The following LMTK2 variants were observed in gnomAD, a reference collection of about 807,000 sequenced individuals.
The protein encoded by LMTK2 is serine/threonine-protein kinase LMTK2.
A neutral mutation model predicts 127.5 loss-of-function variants in LMTK2; 37 were observed. That is an observed-to-expected ratio of 0.29 (90% CI 0.22 to 0.38). The LOEUF is 0.38. LMTK2 is among the 10% of genes least tolerant of loss of function. The pLI is 1.00. For missense variants in LMTK2, 1,694 were observed against 1,920.3 expected, an observed-to-expected ratio of 0.88 and a Z score of 2.20; for synonymous variants, 819 against 810.1, an observed-to-expected ratio of 1.01 and a Z score of -0.19.
At chr7:98,141,361 C>T (rs777764892) in intron 2 of LMTK2, 36 bp from the exon 3 acceptor site, 7 of 1,591,814 alleles carry the variant, frequency 4.4e-6, no homozygotes, top group Non-Finnish European at 6.0e-6. Flanking sequence ...TAAATGTTAG[C>T]CAATGGTTTT....
intron 1 of LMTK2, among the ~76,000 whole-genome samples, chr7:98,130,764 G>A (rs1796509919): frequency 6.6e-6 from 1 of 152,194 alleles, no homozygotes; most frequent in Non-Finnish European, 1.5e-5. Flanking sequence ...TGCCACCACA[G>A]CCCTCAGAAG....
Position 98,194,623 on chromosome 7 carries a change from A to C in LMTK2, c.4107+51A>C. On this transcript the variant is annotated intron_variant, in intron 11 of 13. Transcript: ENST00000297293. This position sits in a 1 kb window ranked among gnomAD's most constrained non-coding sequence, Gnocchi z 5.4. ...CTATACACATCCATATAAGGATTCCAAAATGTGCTAGGAAATTGAGTGTGG... is the reference window on the plus strand; with the variant it reads ...CTATACACATCCATATAAGGATTCCCAAATGTGCTAGGAAATTGAGTGTGG... 2 of 1,467,256 alleles carry C rather than the reference A, an allele frequency of 1.4e-6. No homozygotes were observed. Among genetic ancestry groups the C allele is most frequent in the Non-Finnish European group, 1.8e-6 (2 of 1,094,614 alleles). The allele number at this position is 1,467,256 out of a possible 1,614,324, so 90.9% of individuals were successfully genotyped here.
rs117153597 is a variant in LMTK2, at chr7:98,164,254, G to A, written c.657+4829G>A. ...CTTGTTGCCATGGCAGGTACACGCCGCTCTCACGTGAATATCAAGGCAATG... is the reference window on the plus strand; with the variant it reads ...CTTGTTGCCATGGCAGGTACACGCCACTCTCACGTGAATATCAAGGCAATG... On this transcript the variant is annotated intron_variant, in intron 6 of 13. Coordinates refer to ENST00000297293, the MANE Select transcript of LMTK2 (RefSeq NM_014916.4). Among the ~76,000 whole-genome samples the A allele has an allele frequency of 7.8e-3, 1,186 of 152,280 alleles. 11 individuals carry two copies. The highest frequency in any genetic ancestry group is 0.013 in the Non-Finnish European group (889 of 68,014).
chr7:98,115,402 C>T (rs1248260860), intron 1 of LMTK2, among the ~76,000 whole-genome samples: 1 of 146,766 alleles, frequency 6.8e-6, no homozygotes, highest in African/African-American at 2.5e-5. Context: ...GGCGACAGAG[C>T]GAGACTCAAA....
intron 7 of LMTK2, among the ~76,000 whole-genome samples, chr7:98,176,813 C>T (rs911253359): frequency 2.6e-4 from 39 of 152,208 alleles, no homozygotes; most frequent in African/African-American, 9.2e-4. Context: ...CACCACTGCA[C>T]TCCAGCCTGC....
intron 7 of LMTK2, among the ~76,000 whole-genome samples, chr7:98,179,026 CCCAGT>C (rs1797313352): frequency 6.6e-6 from 1 of 152,180 alleles, no homozygotes; most frequent in African/African-American, 2.4e-5. Flanking sequence ...TGGGGCAGGA[CCCAGT>C]CCTGCCACTG....
At chr7:98,122,173 T>G (rs1038319193) in intron 1 of LMTK2, among the ~76,000 whole-genome samples, 1 of 152,150 alleles carries the variant, frequency 6.6e-6, no homozygotes, top group Non-Finnish European at 1.5e-5. Flanking sequence ...CACCATTGAT[T>G]TATATGCTTT....
rs371949486 is a variant in LMTK2, at chr7:98,137,391, G to A, written c.180G>A (p.Val60=). 2 of 1,613,558 alleles carry A rather than the reference G, an allele frequency of 1.2e-6. No individual in the cohort carries two copies. The highest frequency in any genetic ancestry group is 1.7e-6 in the Non-Finnish European group (2 of 1,179,678). Residue 60 remains valine, a synonymous_variant, in exon 2 of 14, where the codon GTG becomes GTA. Transcript: ENST00000297293. ...LCVCSLIILI[V]LIANCVSCCK... ...TGTGCAGTTTAATAATATTAATAGT[G>A]TTAATTGCAAACTGTGTATCCTGCT...
At chr7:98,119,044 A>G (rs559753280) in intron 1 of LMTK2, among the ~76,000 whole-genome samples, 5 of 150,146 alleles carry the variant, frequency 3.3e-5, no homozygotes, top group South Asian at 4.2e-4. Context: ...GTGAACCAAG[A>G]TAGTGCCACT....
chr7:98,112,869 T>A (rs1398417577), intron 1 of LMTK2, among the ~76,000 whole-genome samples: 1 of 152,158 alleles, frequency 6.6e-6, no homozygotes, highest in African/African-American at 2.4e-5. Context: ...AGAAAGAGAC[T>A]TCAGGGAAAA....
chr7:98,202,029 C>T (rs933780041), intron 11 of LMTK2, among the ~76,000 whole-genome samples: 2 of 152,190 alleles, frequency 1.3e-5, no homozygotes, highest in East Asian at 1.9e-4. Context: ...TTCTGCCCCA[C>T]GCCCTGTCTC....
intron 5 of LMTK2, among the ~76,000 whole-genome samples, chr7:98,157,808 A>T (rs1238224382): frequency 6.6e-6 from 1 of 152,242 alleles, no homozygotes; most frequent in Non-Finnish European, 1.5e-5. Flanking sequence ...AGAACAGGTT[A>T]GTGGTTGCCA....
intron 2 of LMTK2, 59 bp from the exon 3 acceptor site, chr7:98,141,338 T>TA: frequency 6.7e-7 from 1 of 1,495,846 alleles, no homozygotes; most frequent in Non-Finnish European, 9.3e-7. Flanking sequence ...ATTGTGCAAA[T>TA]ATGTTCCTAT....
chr7:98,201,599 GTGTTT>G (rs56186084), intron 11 of LMTK2, among the ~76,000 whole-genome samples: 2,307 of 149,796 alleles, frequency 0.015, 26 homozygotes, highest in Non-Finnish European at 0.025. Context: ...CTTCGTGTGT[GTGTTT>G]TGTTTTGTTT....
intron 3 of LMTK2, among the ~76,000 whole-genome samples, chr7:98,143,568 A>C (rs1796728047): frequency 1.3e-5 from 2 of 152,188 alleles, no homozygotes; most frequent in African/African-American, 4.8e-5. Flanking sequence ...AATTAAAGAA[A>C]TGCTGACTTA....
At position 98,192,169 on chromosome 7, in the gene LMTK2, A is replaced by C; in HGVS notation, c.1704A>C (p.Pro568=). ...GTAGTAACTTGGAGCTTGATTACCCACCAGCGCTGCTCACAACCGACATGG... is the reference window on the plus strand; with the variant it reads ...GTAGTAACTTGGAGCTTGATTACCCCCCAGCGCTGCTCACAACCGACATGG... The part of the protein sequence containing the change: ...KSGSNLELDY[P]PALLTTDMDN... The change falls in exon 11 of 14, where the codon CCA becomes CCC. Residue 568 remains proline, a synonymous_variant. Transcript: ENST00000297293. 1 of 1,526,840 alleles carries C rather than the reference A, an allele frequency of 6.5e-7. No homozygotes were observed. 94.6% of individuals were successfully genotyped at this position (1,526,840 alleles called of 1,614,324 possible).
chr7:98,146,832 T>G (rs1796781067), intron 3 of LMTK2, among the ~76,000 whole-genome samples: 1 of 152,246 alleles, frequency 6.6e-6, no homozygotes, highest in Non-Finnish European at 1.5e-5. Context: ...CATAGTTACC[T>G]TTACTGGAGA....
intron 9 of LMTK2, among the ~76,000 whole-genome samples, chr7:98,188,346 C>G (rs1024912791): frequency 3.3e-5 from 5 of 152,112 alleles, no homozygotes; most frequent in African/African-American, 1.2e-4. Flanking sequence ...CTTTAGCTTC[C>G]AGATACAGGA....
chr7:98,205,077 T>G (rs888932300), intron 13 of LMTK2, among the ~76,000 whole-genome samples: 9 of 152,206 alleles, frequency 5.9e-5, no homozygotes, highest in African/African-American at 2.2e-4. Context: ...TAAAGGTTAA[T>G]AGGCTCATTT....
Sources: allele counts gnomAD v4.1 joint callset (sites outside exome capture counted in the v4.1 genomes callset), GRCh38; gene constraint gnomAD v4.1.1; non-coding constraint Gnocchi (gnomAD v3.1); transcripts MANE v1.5; gene names NCBI Gene and HGNC (gene_info 2026-07-23, HGNC 2026-07-21).